Variants in FOXP2 observed in about 807,000 individuals in gnomAD.
FOXP2 encodes forkhead box protein P2.
A neutral mutation model predicts 115.8 loss-of-function variants in FOXP2; 12 were observed. The observed-to-expected ratio is 0.10, with a 90% CI of 0.07 to 0.17. The LOEUF is 0.17. FOXP2 is among the 10% of genes least tolerant of loss of function. The pLI is 1.00. For synonymous variants in FOXP2, 328 were observed against 297.7 expected (o/e 1.10, Z -1.05); for missense variants, 629 against 843.5 (o/e 0.75, Z 3.15).
chr7:114,159,879 A>G (rs1792783965), upstream of FOXP2, among the ~76,000 whole-genome samples: 1 of 152,210 alleles, frequency 6.6e-6, no homozygotes, highest in Non-Finnish European at 1.5e-5. Flanking sequence ...ATACAGGGGA[A>G]GTTCTCTATT....
chr7:114,362,921 T>C (rs1791787969), intron 2 of FOXP2, among the ~76,000 whole-genome samples: 1 of 152,070 alleles, frequency 6.6e-6, no homozygotes. Context: ...AAAGGGTGGA[T>C]GACAACTGGA....
intron 2 of FOXP2, among the ~76,000 whole-genome samples, chr7:114,445,588 A>G (rs991939121): frequency 1.3e-5 from 2 of 152,158 alleles, no homozygotes; most frequent in Non-Finnish European, 2.9e-5. Context: ...GATACCAACT[A>G]GTTTTCAACT....
At chr7:114,666,610 G>T (rs192955162) in intron 16 of FOXP2, 14 of 152,194 alleles carry the variant, frequency 9.2e-5, no homozygotes, top group Non-Finnish European at 2.1e-4. Context: ...CATTTACACA[G>T]CATACTTATA....
intron 1 of FOXP2, among the ~76,000 whole-genome samples, chr7:114,204,091 A>G (rs1426337916): frequency 6.6e-6 from 1 of 151,902 alleles, no homozygotes; most frequent in East Asian, 1.9e-4. Flanking sequence ...CATCTTCTTT[A>G]TTTGTTTACC....
rs1349469230 is a variant in FOXP2 at position 114,689,840 on chromosome 7, T to A, written c.2062T>A (p.Ser688Thr). 5 of 1,613,406 alleles carry A rather than the reference T, an allele frequency of 3.1e-6. No individual in the cohort carries two copies. The highest frequency in any genetic ancestry group is 3.3e-5 in the Admixed American group (2 of 59,922). ...TGCAGAGGATGAAGACTGCCCAATG[T>A]CCTTAGTGACAACAGCTAATCACAG... The part of the protein sequence containing the change: ...VIAEDEDCPM[S>T]LVTTANHSPE... Residue 688 changes from serine to threonine, a missense_variant, in exon 17 of 17, where the codon TCC (serine) becomes ACC (threonine). Around this residue, in one of 9 missense-constraint regions of FOXP2, gnomAD observed 117 missense variants for 112.3 expected, o/e 1.04. Coordinates refer to ENST00000350908, the MANE Select transcript of FOXP2 (RefSeq NM_014491.4).
intron 2 of FOXP2, among the ~76,000 whole-genome samples, chr7:114,442,717 C>T (rs191574642): frequency 7.0e-4 from 107 of 152,210 alleles, no homozygotes; most frequent in Middle Eastern, 3.4e-3. Flanking sequence ...ACCTCTGGAC[C>T]TCCCGAGTTG....
intron 2 of FOXP2, among the ~76,000 whole-genome samples, chr7:114,296,121 A>G (rs918159061): frequency 9.9e-5 from 15 of 152,246 alleles, no homozygotes; most frequent in African/African-American, 3.6e-4. Context: ...TGTTAGACCT[A>G]AAATATTTAG....
chr7:114,437,899 A>G (rs546772016), intron 2 of FOXP2, among the ~76,000 whole-genome samples: 1 of 152,302 alleles, frequency 6.6e-6, no homozygotes, highest in South Asian at 2.1e-4. Flanking sequence ...GAACGTGACT[A>G]TTCTGAATTG....
At chr7:114,504,728 T>G (rs897641310) in intron 2 of FOXP2, among the ~76,000 whole-genome samples, 9 of 151,660 alleles carry the variant, frequency 5.9e-5, no homozygotes, top group Non-Finnish European at 3.0e-5. Flanking sequence ...GACAGATGTT[T>G]TCTGTATAAA....
chr7:114,690,146 T>TA lies in FOXP2; in HGVS notation c.*221dup, dbSNP rs1808588576. On this transcript the variant is annotated 3_prime_UTR_variant, in exon 17 of 17. Coordinates refer to ENST00000350908, the MANE Select transcript of FOXP2 (RefSeq NM_014491.4). Reference sequence around the variant, plus strand: ...TTCTTCTTCTTTTTTTTTTTTTTTTTAGAAAAAAAGACAAAAACTGATTTT... The same window carrying TA: ...TTCTTCTTCTTTTTTTTTTTTTTTTTAAGAAAAAAAGACAAAAACTGATTTT... The TA allele has an allele frequency of 4.0e-6, 2 of 504,134 alleles. No homozygotes were observed. The highest frequency in any genetic ancestry group is 1.8e-5 in the South Asian group (1 of 56,704). 31.2% of individuals were successfully genotyped at this position (504,134 alleles called of 1,614,324 possible).
chr7:114,693,681 G>A lies in FOXP2; in HGVS notation c.*3755G>A, dbSNP rs1490918564. On this transcript the variant is annotated 3_prime_UTR_variant, in exon 17 of 17. Coordinates refer to ENST00000350908, the MANE Select transcript of FOXP2 (RefSeq NM_014491.4). ...TATGAACAGTGTGTCACTGCTGTTG[G>A]ATGTAAAAATGTATATGAAACCATT... 1 of 370,690 alleles carries A rather than the reference G, an allele frequency of 2.7e-6. No homozygotes were observed. The highest frequency in any genetic ancestry group is 5.3e-6 in the Non-Finnish European group (1 of 188,414). 23.0% of individuals were successfully genotyped at this position (370,690 alleles called of 1,614,324 possible). A position where few individuals can be genotyped will look rare whatever the true frequency, so the allele number is the denominator to read the frequency against.
intron 1 of FOXP2, among the ~76,000 whole-genome samples, chr7:114,107,379 A>C (rs1002722052): frequency 3.9e-5 from 6 of 152,002 alleles, no homozygotes; most frequent in African/African-American, 1.4e-4. Context: ...ATAATACACT[A>C]TCTTATATAT....
intron 2 of FOXP2, among the ~76,000 whole-genome samples, chr7:114,484,067 C>T (rs1045515847): frequency 6.6e-6 from 1 of 151,718 alleles, no homozygotes; most frequent in African/African-American, 2.4e-5. Flanking sequence ...TCAGAATTCC[C>T]TATAATATAA....
intron 2 of FOXP2, among the ~76,000 whole-genome samples, chr7:114,389,001 T>G (rs896826761): frequency 6.6e-6 from 1 of 152,146 alleles, no homozygotes; most frequent in African/African-American, 2.4e-5. Flanking sequence ...CAACACAAAA[T>G]AAGAATAGAA....
upstream of FOXP2, among the ~76,000 whole-genome samples, chr7:114,161,654 G>GCATATATATATATATATATATA (rs1554424363): frequency 6.6e-6 from 1 of 151,438 alleles, no homozygotes; most frequent in African/African-American, 2.4e-5. Context: ...GTGTGTGCGT[G>GCATATATATATATATATATATA]TATATATATA....
At chr7:114,459,334 C>G (rs561165386) in intron 2 of FOXP2, among the ~76,000 whole-genome samples, 7 of 152,224 alleles carry the variant, frequency 4.6e-5, no homozygotes, top group Admixed American at 2.0e-4. Flanking sequence ...GCCATGGTAT[C>G]CTTTATGTAT....
At chr7:114,457,888 C>A (rs1486156467) in intron 2 of FOXP2, among the ~76,000 whole-genome samples, 1 of 135,920 alleles carries the variant, frequency 7.4e-6, no homozygotes, top group Non-Finnish European at 1.6e-5. Context: ...CAGCGAGACT[C>A]CGTCTCAAAA....
intron 8 of FOXP2, among the ~76,000 whole-genome samples, chr7:114,650,670 T>TTA (rs886998181): frequency 1.2e-4 from 19 of 152,128 alleles, no homozygotes; most frequent in African/African-American, 4.6e-4. Flanking sequence ...TGAATGTTAA[T>TTA]CCTCCTCACA....
At chr7:114,623,158 T>C (rs1489772807) in intron 3 of FOXP2, among the ~76,000 whole-genome samples, 1 of 152,012 alleles carries the variant, frequency 6.6e-6, no homozygotes, top group African/African-American at 2.4e-5. Context: ...TAAGCATTAA[T>C]GTTCTATAGG....
Sources: gnomAD v4.1 joint callset for allele counts (sites outside exome capture counted in the v4.1 genomes callset) on GRCh38, gnomAD v4.1.1 for gene constraint, gnomAD v4.1.1 regional missense constraint, MANE v1.5 for transcripts, NCBI Gene and HGNC (gene_info 2026-07-23, HGNC 2026-07-21) for gene names.